The following PHLPP1 variants were observed in gnomAD, a reference collection of about 807,000 sequenced individuals.
PHLPP1 encodes PH domain and leucine rich repeat protein phosphatase 1, also known as PH domain leucine-rich repeat-containing protein phosphatase 1.
A neutral mutation model predicts 117.2 loss-of-function variants in PHLPP1; 42 were observed. That is an observed-to-expected ratio of 0.36 (90% CI 0.28 to 0.46). PHLPP1 has a LOEUF of 0.46. Among genes scored for constraint, PHLPP1 ranks in the 20% least tolerant of loss-of-function variants. The pLI is 1.00. For missense variants in PHLPP1, 2,084 were observed against 2,241.9 expected (o/e 0.93, Z 1.42); for synonymous variants, 1,042 against 970.7 (o/e 1.07, Z -1.37).
At chr18:62,719,305 A>G (rs982811754) in intron 1 of PHLPP1, among the ~76,000 whole-genome samples, 35 of 152,356 alleles carry the variant, frequency 2.3e-4, no homozygotes, top group African/African-American at 7.0e-4. Flanking sequence ...TTTAAAGCAA[A>G]GTTGAGCTTA....
At chr18:62,902,915 A>G (rs777810657) in intron 6 of PHLPP1, 49 bp from the exon 7 acceptor site, 19 of 1,117,880 alleles carry the variant, frequency 1.7e-5, no homozygotes, top group Middle Eastern at 3.9e-4. Flanking sequence ...GTGCCCATTT[A>G]CTTATAGCAT....
At chr18:62,818,821 C>A (rs1914364358) in intron 1 of PHLPP1, among the ~76,000 whole-genome samples, 1 of 152,192 alleles carries the variant, frequency 6.6e-6, no homozygotes, top group Non-Finnish European at 1.5e-5. Flanking sequence ...CACTGGACTG[C>A]CAGAAAATGG....
At chr18:62,814,658 C>G (rs973881733) in intron 1 of PHLPP1, among the ~76,000 whole-genome samples, 7 of 152,154 alleles carry the variant, frequency 4.6e-5, no homozygotes, top group African/African-American at 1.7e-4. Context: ...CTTCCAGTAG[C>G]TTTATATAGT....
Position 62,769,631 on chromosome 18 carries a change from G to T in PHLPP1, c.1576+52372G>T, listed in dbSNP as rs570320476. 2.6e-5 allele frequency among the ~76,000 whole-genome samples: 4 copies of T among 152,214 alleles called. No individual in the cohort carries two copies. The East Asian group carries it at 5.8e-4, about 22-fold the overall frequency. On this transcript the variant is annotated intron_variant, in intron 1 of 16. Coordinates refer to ENST00000262719, the MANE Select transcript of PHLPP1 (RefSeq NM_194449.4). ...ATCCAATGGCTCTTTTGTAATGTTT[G>T]TGCAGTTTTCACTTTACAAATAATG...
rs555372237 is a variant in PHLPP1, at chr18:62,771,044, T to G, written c.1576+53785T>G. 3.3e-5 allele frequency among the ~76,000 whole-genome samples: 5 copies of G among 151,944 alleles called. No homozygotes were observed. The East Asian group carries it at 9.7e-4, about 30-fold the overall frequency. ...GACCAGCCAACATGGTGTAAACCTA[T>G]CTATACTAAAAATACAAAAATGAAC... On this transcript the variant is annotated intron_variant, in intron 1 of 16. Transcript: ENST00000262719.
chr18:62,806,393 C>G (rs1028101215), intron 1 of PHLPP1, among the ~76,000 whole-genome samples: 3 of 152,154 alleles, frequency 2.0e-5, no homozygotes, highest in African/African-American at 7.2e-5. Context: ...TATGCTTGTT[C>G]TTTTCTCCTG....
chr18:62,868,032 G>A (rs959777441), intron 4 of PHLPP1, among the ~76,000 whole-genome samples: 1 of 151,946 alleles, frequency 6.6e-6, no homozygotes, highest in African/African-American at 2.4e-5. Flanking sequence ...GGATGGTCTC[G>A]ATCTTCTGAC....
chr18:62,922,373 G>A (rs1248946943), intron 10 of PHLPP1, among the ~76,000 whole-genome samples: 4 of 152,202 alleles, frequency 2.6e-5, no homozygotes, highest in African/African-American at 9.7e-5. Context: ...CTGATCTCAA[G>A]TGATCCACCC....
At chr18:62,720,805 C>T (rs1402525385) in intron 1 of PHLPP1, among the ~76,000 whole-genome samples, 2 of 151,912 alleles carry the variant, frequency 1.3e-5, no homozygotes, top group Non-Finnish European at 2.9e-5. Flanking sequence ...GGCGTGATAA[C>T]ATCTACAATA....
intron 1 of PHLPP1, among the ~76,000 whole-genome samples, chr18:62,729,878 A>G (rs1371340799): frequency 6.6e-6 from 1 of 152,254 alleles, no homozygotes; most frequent in Non-Finnish European, 1.5e-5. Context: ...TATTTAGTAA[A>G]CATTTCTATC....
chr18:62,952,688 G>A (rs1405019081), intron 12 of PHLPP1, among the ~76,000 whole-genome samples: 1 of 152,186 alleles, frequency 6.6e-6, no homozygotes, highest in Non-Finnish European at 1.5e-5. Context: ...GTGCAGTGGT[G>A]CAATCATAAC....
chr18:62,845,084 C>T (rs891466709), intron 3 of PHLPP1, among the ~76,000 whole-genome samples: 2 of 151,880 alleles, frequency 1.3e-5, no homozygotes, highest in Admixed American at 6.6e-5. Context: ...TGACCTCTTC[C>T]AAGGACCTCA....
chr18:62,936,997 T>G lies in PHLPP1; in HGVS notation c.2961-4721T>G, dbSNP rs1038515671. 3.3e-5 allele frequency among the ~76,000 whole-genome samples: 5 copies of G among 152,238 alleles called. No homozygotes were observed. The South Asian group carries it at 1.0e-3, about 32-fold the overall frequency. ...TGCTGGGGTTAGACAGTTGTGACTA[T>G]GTAGAGTTTTAATGGTATATAAGTC... On this transcript the variant is annotated intron_variant, in intron 10 of 16. Transcript: ENST00000262719.
chr18:62,826,161 T>TG, intron 1 of PHLPP1: 1 of 327,292 alleles, frequency 3.1e-6, no homozygotes, highest in Non-Finnish European at 6.1e-6. Flanking sequence ...TTTATTTGTT[T>TG]TTTTTTTTCT....
At chr18:62,889,875 C>T (rs1916365791) in intron 4 of PHLPP1, among the ~76,000 whole-genome samples, 1 of 152,178 alleles carries the variant, frequency 6.6e-6, no homozygotes, top group Non-Finnish European at 1.5e-5. Context: ...AGTTTATATT[C>T]TTTTTTGTAC....
At chr18:62,892,369 G>A (rs554865298) in intron 4 of PHLPP1, among the ~76,000 whole-genome samples, 2 of 151,972 alleles carry the variant, frequency 1.3e-5, no homozygotes, top group South Asian at 4.2e-4. Context: ...GATTACAGGC[G>A]TGAGTCACCA....
chr18:62,860,146 A>G (rs1049530103), intron 3 of PHLPP1, among the ~76,000 whole-genome samples: 7 of 152,330 alleles, frequency 4.6e-5, no homozygotes, highest in East Asian at 3.9e-4. Flanking sequence ...GTGTATCTAA[A>G]CATAGAAGGC....
intron 10 of PHLPP1, among the ~76,000 whole-genome samples, chr18:62,928,867 G>C (rs1033553486): frequency 1.3e-5 from 2 of 152,202 alleles, no homozygotes; most frequent in African/African-American, 4.8e-5. Context: ...AAAGCAGTAT[G>C]CTAAGTGAAA....
chr18:62,968,962 C>A (rs1910980358), intron 14 of PHLPP1, among the ~76,000 whole-genome samples: 1 of 152,128 alleles, frequency 6.6e-6, no homozygotes, highest in Admixed American at 6.5e-5. Flanking sequence ...TATTGATATT[C>A]TCAAAGAACT....
Sources: allele counts gnomAD v4.1 joint callset (sites outside exome capture counted in the v4.1 genomes callset), GRCh38; gene constraint gnomAD v4.1.1; transcripts MANE v1.5; gene names NCBI Gene and HGNC (gene_info 2026-07-23, HGNC 2026-07-21).